The following CFAP61 variants were observed in gnomAD, a reference collection of about 807,000 sequenced individuals.
CFAP61 encodes cilia- and flagella-associated protein 61.
CFAP61 carries 107 observed loss-of-function variants against 135.6 expected under a neutral mutation model. The ratio of observed to expected loss-of-function variants is 0.79; its 90% CI spans 0.67 to 0.93. The LOEUF (loss-of-function observed/expected upper bound fraction) is 0.93, where lower values mean the gene tolerates loss of function less well. CFAP61 is among the 40% of genes least tolerant of loss of function. CFAP61 has a pLI of 0.00. For missense variants in CFAP61, 1,507 were observed against 1,556.2 expected (o/e 0.97, Z 0.53); for synonymous variants, 575 against 578.5 (o/e 0.99, Z 0.09).
rs1459397095 is a variant in CFAP61 at position 20,095,953 on chromosome 20, T to G, written c.700-2702T>G. Among the ~76,000 whole-genome samples the G allele has an allele frequency of 2.0e-5, 3 of 152,178 alleles. No individual in the cohort carries two copies. In the East Asian group the frequency reaches 5.8e-4, roughly 29 times the overall value. On this transcript the variant is annotated intron_variant, in intron 7 of 26. Coordinates refer to ENST00000245957, the MANE Select transcript of CFAP61 (RefSeq NM_015585.4). Reference sequence around the variant, plus strand: ...TGGGAAGACAAGGCCACAGTACACATAGTTTTCTAGCAATCTAAACCTTAT... The same window carrying G: ...TGGGAAGACAAGGCCACAGTACACAGAGTTTTCTAGCAATCTAAACCTTAT...
chr20:20,161,391 A>G (rs1393102206), intron 10 of CFAP61, among the ~76,000 whole-genome samples: 1 of 152,234 alleles, frequency 6.6e-6, no homozygotes, highest in East Asian at 1.9e-4. Flanking sequence ...ATGACAGTAA[A>G]GGGATAAAAA....
intron 2 of CFAP61, among the ~76,000 whole-genome samples, chr20:20,065,673 A>G (rs1167210234): frequency 6.6e-6 from 1 of 151,014 alleles, no homozygotes; most frequent in Admixed American, 6.6e-5. Context: ...TATTTTATTG[A>G]CTGCCTGTTC....
In CFAP61 at chr20:20,277,299, C is replaced by T. The variant is rs1458967771; in HGVS notation, c.2637C>T (p.Asn879=). 6.2e-7 allele frequency: 1 copy of T among 1,614,192 alleles called. No individual in the cohort carries two copies. Among genetic ancestry groups the T allele is most frequent in the Non-Finnish European group, 8.5e-7 (1 of 1,180,046 alleles). ...PPASTITCIN[N]YSVESAVADA... is the part of the protein sequence containing the mutation. The stretch of plus-strand genomic sequence containing the variant: ...CCTCCACCATCACCTGCATCAACAA[C>T]TACTCGGTGGAGAGCGCCGTGGCGG... The change falls in exon 22 of 27, where the codon AAC becomes AAT. Residue 879 remains asparagine, a synonymous_variant. Coordinates refer to ENST00000245957, the MANE Select transcript of CFAP61 (RefSeq NM_015585.4).
chr20:20,170,844 G>T (rs1477232159), intron 13 of CFAP61, among the ~76,000 whole-genome samples: 1 of 152,212 alleles, frequency 6.6e-6, no homozygotes, highest in African/African-American at 2.4e-5. Flanking sequence ...GGTGAGAAAA[G>T]CAGTCAAACA....
intron 17 of CFAP61, among the ~76,000 whole-genome samples, chr20:20,209,805 G>C (rs6112820): frequency 6.6e-6 from 1 of 152,196 alleles, no homozygotes; most frequent in African/African-American, 2.4e-5. Context: ...CATCGTGGCA[G>C]GCGGGGAGGA....
At chr20:20,249,587 C>T (rs1041518021) in intron 19 of CFAP61, among the ~76,000 whole-genome samples, 8 of 152,054 alleles carry the variant, frequency 5.3e-5, no homozygotes, top group African/African-American at 1.9e-4. Flanking sequence ...CAGCAATCAC[C>T]CCACATTCTT....
At chr20:20,146,414 A>G (rs1208119415) in intron 9 of CFAP61, among the ~76,000 whole-genome samples, 2 of 152,240 alleles carry the variant, frequency 1.3e-5, no homozygotes, top group African/African-American at 4.8e-5. Context: ...TTTTGGTATT[A>G]CCAGTGGATA....
At chr20:20,293,417 T>G (rs2055151459) in intron 24 of CFAP61, among the ~76,000 whole-genome samples, 1 of 152,230 alleles carries the variant, frequency 6.6e-6, no homozygotes, top group Admixed American at 6.5e-5. Flanking sequence ...AAACAGATTT[T>G]TTTTCCATTT....
intron 8 of CFAP61, among the ~76,000 whole-genome samples, chr20:20,116,923 T>G (rs924745561): frequency 5.9e-5 from 9 of 152,188 alleles, no homozygotes; most frequent in African/African-American, 1.9e-4. Flanking sequence ...TGTGCCCAGA[T>G]GGTGAATAAT....
intron 25 of CFAP61, among the ~76,000 whole-genome samples, chr20:20,333,725 C>A (rs959052096): frequency 3.9e-5 from 6 of 152,182 alleles, no homozygotes; most frequent in African/African-American, 1.4e-4. Flanking sequence ...TCAGGTAATT[C>A]TTCAACATTC....
rs142819735 is a variant in CFAP61, at chr20:20,154,209, A to G, written c.952-5161A>G. 2.2e-3 allele frequency among the ~76,000 whole-genome samples: 330 copies of G among 152,216 alleles called. 2 individuals carry two copies. The highest frequency in any genetic ancestry group is 7.5e-3 in the African/African-American group (312 of 41,568). Reference sequence around the variant, plus strand: ...ATTGGCATAAAAAGGACATACCTCAAGTAATAAAAGCCATCTATGAGACAC... The same window carrying G: ...ATTGGCATAAAAAGGACATACCTCAGGTAATAAAAGCCATCTATGAGACAC... On this transcript the variant is annotated intron_variant, in intron 9 of 26. Transcript: ENST00000245957.
chr20:20,351,352 G>A (rs758823726), intron 26 of CFAP61, among the ~76,000 whole-genome samples: 5 of 150,994 alleles, frequency 3.3e-5, no homozygotes, highest in African/African-American at 7.3e-5. Flanking sequence ...AGGCCAAGGC[G>A]GGCAGATCAC....
intron 25 of CFAP61, among the ~76,000 whole-genome samples, chr20:20,330,461 G>A (rs2057941394): frequency 6.6e-6 from 1 of 152,106 alleles, no homozygotes; most frequent in Non-Finnish European, 1.5e-5. Context: ...TCAGTCTCCT[G>A]AGTAGTTGGG....
At chr20:20,186,655 A>G (rs1339184429) in intron 13 of CFAP61, among the ~76,000 whole-genome samples, 1 of 152,248 alleles carries the variant, frequency 6.6e-6, no homozygotes, top group Admixed American at 6.5e-5. Flanking sequence ...GCTCATAAAC[A>G]TTAAGATGGT....
chr20:20,318,451 G>T (rs558209340), intron 25 of CFAP61, among the ~76,000 whole-genome samples: 2 of 152,334 alleles, frequency 1.3e-5, no homozygotes, highest in South Asian at 4.1e-4. Flanking sequence ...CAGAAGCCCA[G>T]CTGAAACCAG....
At chr20:20,220,980 A>G (rs2146935015) in intron 17 of CFAP61, 1 of 152,344 alleles carries the variant, frequency 6.6e-6, no homozygotes, top group East Asian at 1.9e-4. Flanking sequence ...GAACAATGCA[A>G]GTCAGGTAAT....
Position 20,056,634 on chromosome 20 carries a change from T to A in CFAP61, c.-20T>A. On this transcript the variant is annotated 5_prime_UTR_variant, in exon 2 of 27. Transcript: ENST00000245957. Reference sequence around the variant, plus strand: ...GATTAATAGTGGACTTTTTTCTCTCTTTTGGGGACAGGATAAAAAATGTCA... The same window carrying A: ...GATTAATAGTGGACTTTTTTCTCTCATTTGGGGACAGGATAAAAAATGTCA... 1 of 1,612,948 alleles carries A rather than the reference T, an allele frequency of 6.2e-7. No individual in the cohort carries two copies. The highest frequency in any genetic ancestry group is 2.2e-5 in the East Asian group (1 of 44,864).
intron 6 of CFAP61, chr20:20,085,633 C>A: frequency 1.5e-6 from 1 of 659,430 alleles, no homozygotes; most frequent in Non-Finnish European, 2.5e-6. Context: ...ATGTTTATAG[C>A]TACAGAGTAA....
rs139790982 is a variant in CFAP61 at position 20,260,987 on chromosome 20, A to G, written c.2329-1969A>G. Reference sequence around the variant, plus strand: ...TTATAATAACTATGAATATAATGCTATCAACATTTTAGTGGGGTATTACTA... The same window carrying G: ...TTATAATAACTATGAATATAATGCTGTCAACATTTTAGTGGGGTATTACTA... On this transcript the variant is annotated intron_variant, in intron 20 of 26. Coordinates refer to ENST00000245957, the MANE Select transcript of CFAP61 (RefSeq NM_015585.4). Among the ~76,000 whole-genome samples the G allele has an allele frequency of 5.2e-3, 799 of 152,356 alleles. 12 individuals carry two copies. Among genetic ancestry groups the G allele is most frequent in the African/African-American group, 0.019 (780 of 41,584 alleles).
Sources: gnomAD v4.1 joint callset for allele counts (sites outside exome capture counted in the v4.1 genomes callset) on GRCh38, gnomAD v4.1.1 for gene constraint, MANE v1.5 for transcripts, NCBI Gene and HGNC (gene_info 2026-07-23, HGNC 2026-07-21) for gene names.